Variants in TMEM132C observed in about 807,000 individuals in gnomAD.
TMEM132C encodes the protein transmembrane protein 132C.
In TMEM132C, 29 loss-of-function variants were observed where a neutral mutation model predicts 61.4. That is an observed-to-expected ratio of 0.47 (90% confidence interval 0.35 to 0.64). TMEM132C has a LOEUF of 0.64. Among genes scored for constraint, TMEM132C ranks in the 30% least tolerant of loss-of-function variants. TMEM132C has a pLI of 0.00. For missense variants in TMEM132C, 1,408 were observed against 1,476.9 expected (o/e 0.95, Z 0.76); for synonymous variants, 656 against 633.1 (o/e 1.04, Z -0.54).
Position 128,695,941 on chromosome 12 carries a change from C to T in TMEM132C, c.1767C>T (p.Gly589=), listed in dbSNP as rs1351006933. 6.4e-6 allele frequency: 10 copies of T among 1,551,740 alleles called. No individual in the cohort carries two copies. In the East Asian group the frequency reaches 7.3e-5, roughly 11 times the overall value. ...TCCTCACCCAGTTTGTGTCTGAGGGCGCCGGTCCATGGGGCCAGCCGAACT... is the reference window on the plus strand; with the variant it reads ...TCCTCACCCAGTTTGTGTCTGAGGGTGCCGGTCCATGGGGCCAGCCGAACT... ...VRVLTQFVSE[G]AGPWGQPNYL... is the part of the protein sequence containing the mutation. The change falls in exon 7 of 9, where the codon GGC becomes GGT. Residue 589 remains glycine, a synonymous_variant. Coordinates refer to ENST00000435159, the MANE Select transcript of TMEM132C (RefSeq NM_001136103.3).
At chr12:128,517,309 C>T (rs946320555) in intron 2 of TMEM132C, among the ~76,000 whole-genome samples, 1 of 151,830 alleles carries the variant, frequency 6.6e-6, no homozygotes, top group African/African-American at 2.4e-5. Flanking sequence ...GGGTGACACG[C>T]CTGTAATCCC....
chr12:128,415,451 A>T lies in TMEM132C; in HGVS notation c.805A>T (p.Ile269Phe), dbSNP rs1256408910. Residue 269 changes from isoleucine to phenylalanine, a missense_variant, in exon 2 of 9, where the codon ATC (isoleucine) becomes TTC (phenylalanine). Physicochemically the swap from Ile to Phe is conservative, Grantham distance 21. Transcript: ENST00000435159. This position sits in a 1 kb window ranked among gnomAD's most constrained non-coding sequence, Gnocchi z 5.8. Reference sequence around the variant, plus strand: ...GGAAACCACGTCCCACCTGCAGAGGATCGGCACCGTCGGCCTTTACCGGGC... The same window carrying T: ...GGAAACCACGTCCCACCTGCAGAGGTTCGGCACCGTCGGCCTTTACCGGGC... ...LEETTSHLQRIGTVGLYRAQD... is the reference protein window; with the variant it reads ...LEETTSHLQRFGTVGLYRAQD... The T allele has an allele frequency of 6.4e-7, 1 of 1,551,662 alleles. No homozygotes were observed. The highest frequency in any genetic ancestry group is 1.2e-5 in the South Asian group (1 of 84,056).
intron 3 of TMEM132C, among the ~76,000 whole-genome samples, chr12:128,591,630 T>C (rs1274036151): frequency 6.6e-6 from 1 of 152,184 alleles, no homozygotes; most frequent in Non-Finnish European, 1.5e-5. Context: ...CTGGATCATA[T>C]GGGAGCTCTA....
intron 5 of TMEM132C, among the ~76,000 whole-genome samples, chr12:128,670,923 C>A (rs1954525994): frequency 6.6e-6 from 1 of 152,100 alleles, no homozygotes; most frequent in Non-Finnish European, 1.5e-5. Context: ...TTAAAAAAAG[C>A]AACAACCTTG....
intron 2 of TMEM132C, among the ~76,000 whole-genome samples, chr12:128,437,233 C>T (rs1869630403): frequency 6.6e-6 from 1 of 152,196 alleles, no homozygotes; most frequent in African/African-American, 2.4e-5. Context: ...CAACATGGCA[C>T]ATGTATACAT....
At chr12:128,311,674 AC>A (rs1489869664) in intron 1 of TMEM132C, among the ~76,000 whole-genome samples, 1 of 152,174 alleles carries the variant, frequency 6.6e-6, no homozygotes, top group Non-Finnish European at 1.5e-5. Context: ...CCCCGCCGGA[AC>A]CTGGTGCCCC....
chr12:128,477,178 G>A (rs1246625400), intron 2 of TMEM132C, among the ~76,000 whole-genome samples: 2 of 152,152 alleles, frequency 1.3e-5, no homozygotes, highest in Non-Finnish European at 2.9e-5. Flanking sequence ...TTTGGAGTGG[G>A]CTGGTCTGGG....
intron 1 of TMEM132C, among the ~76,000 whole-genome samples, chr12:128,401,827 C>T (rs1469206592): frequency 1.3e-5 from 2 of 152,186 alleles, no homozygotes; most frequent in African/African-American, 4.8e-5. Flanking sequence ...GAAAACCTAG[C>T]AGAACTGGCT....
At chr12:128,506,445 G>T (rs1872364313) in intron 2 of TMEM132C, among the ~76,000 whole-genome samples, 1 of 152,182 alleles carries the variant, frequency 6.6e-6, no homozygotes, top group South Asian at 2.1e-4. Flanking sequence ...TGCCATGACT[G>T]CACGGCTGCC....
At chr12:128,306,385 G>A (rs1444207105) in intron 1 of TMEM132C, among the ~76,000 whole-genome samples, 1 of 151,996 alleles carries the variant, frequency 6.6e-6, no homozygotes, top group South Asian at 2.1e-4. Context: ...GTATTTTTTA[G>A]TAGAGATGGG....
intron 1 of TMEM132C, among the ~76,000 whole-genome samples, chr12:128,411,787 C>T (rs187514954): frequency 2.6e-5 from 4 of 152,216 alleles, no homozygotes; most frequent in Admixed American, 1.3e-4. Flanking sequence ...CACAATCTAC[C>T]TCTATTTCTT....
chr12:128,436,506 A>G (rs1178150888), intron 2 of TMEM132C, among the ~76,000 whole-genome samples: 6 of 152,256 alleles, frequency 3.9e-5, no homozygotes, highest in Non-Finnish European at 7.3e-5. Flanking sequence ...GACACTTCTC[A>G]AAAGAAGACA....
intron 4 of TMEM132C, among the ~76,000 whole-genome samples, chr12:128,658,679 G>A (rs1378325176): frequency 6.6e-6 from 1 of 152,192 alleles, no homozygotes; most frequent in Non-Finnish European, 1.5e-5. Context: ...GATGCTTTCA[G>A]TAACACAAAA....
chr12:128,403,463 A>G (rs1463164277), intron 1 of TMEM132C, among the ~76,000 whole-genome samples: 1 of 151,262 alleles, frequency 6.6e-6, no homozygotes, highest in African/African-American at 2.4e-5. Context: ...ACATCACCCA[A>G]TTTTTTTTTC....
intron 2 of TMEM132C, among the ~76,000 whole-genome samples, chr12:128,471,656 A>G (rs1407496679): frequency 6.6e-6 from 1 of 152,122 alleles, no homozygotes; most frequent in Non-Finnish European, 1.5e-5. Context: ...GCTTGGGTGT[A>G]ATACAGACTT....
intron 2 of TMEM132C, among the ~76,000 whole-genome samples, chr12:128,472,642 G>C (rs539325349): frequency 5.9e-5 from 9 of 152,336 alleles, no homozygotes; most frequent in African/African-American, 1.9e-4. Flanking sequence ...TCCAAGGGGA[G>C]ATAATATCCC....
chr12:128,605,477 A>G (rs920678851), intron 3 of TMEM132C, among the ~76,000 whole-genome samples: 5 of 152,142 alleles, frequency 3.3e-5, no homozygotes, highest in Non-Finnish European at 7.3e-5. Context: ...TCTCCCAGAA[A>G]CACCCTCACA....
chr12:128,447,265 G>A (rs762663969), intron 2 of TMEM132C, among the ~76,000 whole-genome samples: 2 of 152,172 alleles, frequency 1.3e-5, no homozygotes, highest in African/African-American at 2.4e-5. Context: ...ACCATCCTTT[G>A]GCTGTCCTGT....
At chr12:128,638,341 T>C (rs1954118621) in intron 4 of TMEM132C, among the ~76,000 whole-genome samples, 2 of 152,198 alleles carry the variant, frequency 1.3e-5, no homozygotes, top group South Asian at 4.1e-4. Flanking sequence ...CCAGAGGAAG[T>C]CAGAGTAAAA....
Sources: gnomAD v4.1 joint callset for allele counts (sites outside exome capture counted in the v4.1 genomes callset) on GRCh38, gnomAD v4.1.1 for gene constraint, Gnocchi (gnomAD v3.1) non-coding constraint, MANE v1.5 for transcripts, NCBI Gene and HGNC (gene_info 2026-07-23, HGNC 2026-07-21) for gene names.